The following CYP2C18 variants were observed in gnomAD, a reference collection of about 807,000 sequenced individuals.
CYP2C18 encodes the protein cytochrome P450 family 2 subfamily C member 18.
In CYP2C18, 38 loss-of-function variants were observed where a neutral mutation model predicts 41.3. The observed-to-expected ratio is 0.92, with a 90% confidence interval of 0.71 to 1.21. The LOEUF (loss-of-function observed/expected upper bound fraction) is 1.21. Ranked by LOEUF, CYP2C18 falls within the 50% of genes most tolerant of loss-of-function variation. CYP2C18 has a pLI of 0.00. For missense variants in CYP2C18, 635 were observed against 591.4 expected (o/e 1.07, Z -0.77); for synonymous variants, 236 against 210.0 (o/e 1.12, Z -1.07).
intron 5 of CYP2C18, among the ~76,000 whole-genome samples, chr10:94,708,232 A>G (rs1189564720): frequency 6.6e-6 from 1 of 152,180 alleles, no homozygotes; most frequent in East Asian, 1.9e-4. Flanking sequence ...AGTGAAGAAG[A>G]TGAGATACTT....
At position 94,735,284 on chromosome 10, in the gene CYP2C18, A is replaced by T. The variant is rs1421103131; in HGVS notation, c.1313A>T (p.Glu438Val). 6.2e-7 allele frequency: 1 copy of T among 1,613,432 alleles called. No individual in the cohort carries two copies. The highest frequency in any genetic ancestry group is 8.5e-7 in the Non-Finnish European group (1 of 1,179,652). ...FSAGKRMCMG[E>V]GLARMELFLF... Reference sequence around the variant, plus strand: ...TCAGGAAAACGGATGTGTATGGGAGAGGGCCTGGCCCGCATGGAGCTGTTT... The same window carrying T: ...TCAGGAAAACGGATGTGTATGGGAGTGGGCCTGGCCCGCATGGAGCTGTTT... Residue 438 changes from glutamate (E) to valine (V), a missense_variant, in exon 9 of 9, where the codon GAG becomes GTG. Glu to Val is a moderately radical substitution (Grantham distance 121, BLOSUM62 -2). Transcript: ENST00000285979.
At position 94,686,338 on chromosome 10, in the gene CYP2C18, C is replaced by T. The variant is rs375892554; in HGVS notation, c.169-1432C>T. 2.2e-3 allele frequency among the ~76,000 whole-genome samples: 339 copies of T among 152,238 alleles called. 1 individual carries two copies. The highest frequency in any genetic ancestry group is 7.0e-3 in the African/African-American group (292 of 41,552). The stretch of plus-strand genomic sequence containing the variant: ...TAAGATTATTTCATCAGGAAACAGA[C>T]AATTTCACTTCATCCTTTCCTACAT... On this transcript the variant is annotated intron_variant, in intron 1 of 8. Coordinates refer to ENST00000285979, the MANE Select transcript of CYP2C18 (RefSeq NM_000772.3).
At chr10:94,685,605 C>T (rs1846872531) in intron 1 of CYP2C18, among the ~76,000 whole-genome samples, 1 of 152,074 alleles carries the variant, frequency 6.6e-6, no homozygotes, top group Non-Finnish European at 1.5e-5. Context: ...CTCTTTTATT[C>T]TTTGCATATG....
chr10:94,688,549 G>A (rs1846939010), intron 3 of CYP2C18, among the ~76,000 whole-genome samples: 1 of 152,142 alleles, frequency 6.6e-6, no homozygotes, highest in Admixed American at 6.6e-5. Context: ...GACATCCCTG[G>A]AAACCTCCTA....
intron 5 of CYP2C18, among the ~76,000 whole-genome samples, chr10:94,710,536 G>T (rs372508078): frequency 1.4e-4 from 22 of 152,232 alleles, no homozygotes; most frequent in South Asian, 8.3e-4. Context: ...CATTTATTTA[G>T]ATCTTCTTTA....
chr10:94,693,529 C>T (rs1847054208), intron 3 of CYP2C18, among the ~76,000 whole-genome samples: 1 of 152,136 alleles, frequency 6.6e-6, no homozygotes, highest in African/African-American at 2.4e-5. Flanking sequence ...AAAGGAAAGA[C>T]CAGAAACCAG....
At chr10:94,728,631 C>T (rs1347145788) in intron 7 of CYP2C18, 2 of 974,836 alleles carry the variant, frequency 2.1e-6, no homozygotes, top group African/African-American at 1.8e-5. Flanking sequence ...TGTGATCAAC[C>T]CCTCAATAAA....
chr10:94,689,540 G>A (rs776669612), intron 3 of CYP2C18, among the ~76,000 whole-genome samples: 9 of 152,030 alleles, frequency 5.9e-5, no homozygotes, highest in Non-Finnish European at 8.8e-5. Context: ...TCTCACACAT[G>A]AATCCAATAC....
intron 5 of CYP2C18, among the ~76,000 whole-genome samples, chr10:94,713,251 A>G (rs1847471820): frequency 6.6e-6 from 1 of 152,016 alleles, no homozygotes; most frequent in Non-Finnish European, 1.5e-5. Flanking sequence ...TTACATATGT[A>G]TACATGTGCC....
intron 1 of CYP2C18, among the ~76,000 whole-genome samples, chr10:94,685,182 T>C (rs1164968589): frequency 1.2e-4 from 18 of 151,900 alleles, no homozygotes; most frequent in Admixed American, 6.6e-5. Flanking sequence ...TACAGGTGTA[T>C]GCCACCATGC....
intron 7 of CYP2C18, among the ~76,000 whole-genome samples, chr10:94,732,973 CTG>C (rs1282635196): frequency 6.6e-6 from 1 of 152,012 alleles, no homozygotes; most frequent in Non-Finnish European, 1.5e-5. Flanking sequence ...TGTGTGAAAA[CTG>C]AAGTGATGAA....
intron 5 of CYP2C18, among the ~76,000 whole-genome samples, chr10:94,709,753 A>T (rs1187100158): frequency 6.6e-6 from 1 of 152,166 alleles, no homozygotes; most frequent in Non-Finnish European, 1.5e-5. Context: ...TAGGTCTAAG[A>T]TCCACTCTGA....
intron 4 of CYP2C18, among the ~76,000 whole-genome samples, chr10:94,695,595 G>T (rs1417424582): frequency 6.6e-6 from 1 of 152,090 alleles, no homozygotes; most frequent in Non-Finnish European, 1.5e-5. Flanking sequence ...TCCAACTGAG[G>T]TACTGGGTTC....
intron 4 of CYP2C18, among the ~76,000 whole-genome samples, chr10:94,700,731 A>G (rs1320999032): frequency 6.6e-6 from 1 of 152,226 alleles, no homozygotes; most frequent in Admixed American, 6.5e-5. Flanking sequence ...TCATCTGACA[A>G]AAGGCTAATA....
At chr10:94,731,844 C>T (rs1415053306) in intron 7 of CYP2C18, among the ~76,000 whole-genome samples, 1 of 152,090 alleles carries the variant, frequency 6.6e-6, no homozygotes. Context: ...AAATGTAAGA[C>T]ATCAAACTAT....
intron 5 of CYP2C18, among the ~76,000 whole-genome samples, chr10:94,711,876 C>T (rs1847441368): frequency 6.6e-6 from 1 of 151,550 alleles, no homozygotes; most frequent in South Asian, 2.1e-4. Flanking sequence ...GAATCTTGCC[C>T]CATTGCCCAG....
intron 5 of CYP2C18, 64 bp from the exon 6 acceptor site, chr10:94,720,332 G>C: frequency 6.9e-7 from 1 of 1,439,984 alleles, no homozygotes; most frequent in Non-Finnish European, 9.4e-7. Flanking sequence ...ATATATTTTG[G>C]ATTTTTTGTA....
intron 4 of CYP2C18, among the ~76,000 whole-genome samples, chr10:94,701,876 G>A (rs534956595): frequency 6.6e-6 from 1 of 152,236 alleles, no homozygotes; most frequent in East Asian, 1.9e-4. Flanking sequence ...AGCTTAGAGA[G>A]TGTCTTCCTC....
At chr10:94,686,911 A>C (rs2134173521) in intron 1 of CYP2C18, among the ~76,000 whole-genome samples, 1 of 152,324 alleles carries the variant, frequency 6.6e-6, no homozygotes, top group Middle Eastern at 3.4e-3. Context: ...TTGAGAAGTC[A>C]GTCACTGTAT....
Sources: allele counts gnomAD v4.1 joint callset (sites outside exome capture counted in the v4.1 genomes callset), GRCh38; gene constraint gnomAD v4.1.1; transcripts MANE v1.5; gene names NCBI Gene and HGNC (gene_info 2026-07-23, HGNC 2026-07-21).